MAP4K3: variants seen among roughly 807,000 people sequenced by gnomAD.
MAP4K3 encodes mitogen-activated protein kinase kinase kinase kinase 3.
MAP4K3 carries 94 observed loss-of-function variants against 143.5 expected under a neutral mutation model. The observed-to-expected ratio is 0.65, with a 90% confidence interval of 0.55 to 0.78. The LOEUF is 0.78. Ranked by LOEUF, MAP4K3 falls within the 30% of genes least tolerant of loss-of-function variation. The pLI is 0.00. For missense variants in MAP4K3, 1,077 were observed against 1,068.1 expected (o/e 1.01, Z -0.12); for synonymous variants, 416 against 347.2 (o/e 1.20, Z -2.20).
intron 1 of MAP4K3, among the ~76,000 whole-genome samples, chr2:39,413,166 A>G (rs1204582598): frequency 1.3e-5 from 2 of 152,226 alleles, no homozygotes; most frequent in Admixed American, 1.3e-4. Flanking sequence ...TCATGCAGTA[A>G]AAGTTAGAGA....
intron 1 of MAP4K3, among the ~76,000 whole-genome samples, chr2:39,427,930 T>A (rs1345743657): frequency 1.3e-5 from 2 of 152,206 alleles, no homozygotes; most frequent in Non-Finnish European, 2.9e-5. Context: ...TTTGCCCACT[T>A]AGGTTCTACA....
intron 2 of MAP4K3, among the ~76,000 whole-genome samples, chr2:39,370,717 T>C (rs1175042818): frequency 1.3e-5 from 2 of 152,220 alleles, no homozygotes; most frequent in African/African-American, 2.4e-5. Flanking sequence ...GTTTTCATTG[T>C]GTTGGAAAAG....
chr2:39,254,507 G>C lies in MAP4K3; in HGVS notation c.2484C>G (p.Asp828Glu). The C allele has an allele frequency of 6.2e-7, 1 of 1,613,584 alleles. No individual in the cohort carries two copies. Among genetic ancestry groups the C allele is most frequent in the Non-Finnish European group, 8.5e-7 (1 of 1,179,692 alleles). The change falls in exon 32 of 34, where the codon GAC (aspartate) becomes GAG (glutamate). Residue 828 changes from aspartate to glutamate, a missense_variant. Around this residue, in one of 2 missense-constraint regions of MAP4K3, gnomAD observed 864 missense variants for 801.2 expected, o/e 1.08. Coordinates refer to ENST00000263881, the MANE Select transcript of MAP4K3 (RefSeq NM_003618.4). ...CATGTTTCCAGAAAGCTAGCACACT[G>C]TCTTGTAGGCACACTAGCAGGCAAG... The part of the protein sequence containing the change: ...FQIESIVCLQ[D>E]SVLAFWKHGM...
chr2:39,250,703 A>G lies in MAP4K3; in HGVS notation c.2600T>C (p.Val867Ala). Reference sequence around the variant, plus strand: ...AGTTGGCCTACTTTCCAAAACCACGACCCTGAAAGTAATAAAAAACATATA... The same window carrying G: ...AGTTGGCCTACTTTCCAAAACCACGGCCCTGAAAGTAATAAAAAACATATA... ...RIFRLLGSDR[V>A]VVLESRPTDN... The change falls in exon 34 of 34, where the codon GTC (valine) becomes GCC (alanine). Residue 867 changes from valine to alanine, a missense_variant and splice_region_variant. By Grantham distance (64) the Val-to-Ala change is moderately conservative (BLOSUM62 0). Transcript: ENST00000263881. 2 of 1,612,666 alleles carry G rather than the reference A, an allele frequency of 1.2e-6. No homozygotes were observed. The highest frequency in any genetic ancestry group is 1.1e-5 in the South Asian group (1 of 90,934).
rs1400305615 is a variant in MAP4K3, at chr2:39,293,094, G to C, written c.1217+136C>G. 3 of 737,614 alleles carry C rather than the reference G, an allele frequency of 4.1e-6. No homozygotes were observed. In the South Asian group the frequency reaches 5.0e-5, roughly 12 times the overall value. 45.7% of individuals were successfully genotyped at this position (737,614 alleles called of 1,614,324 possible). A position where few individuals can be genotyped will look rare whatever the true frequency, so the allele number is the denominator to read the frequency against. On this transcript the variant is annotated intron_variant, in intron 17 of 33. Coordinates refer to ENST00000263881, the MANE Select transcript of MAP4K3 (RefSeq NM_003618.4). ...ATCATACCACTGCAATCCAGCCTGGGCAACAGAGCGAGACCCTATCTCTAT... is the reference window on the plus strand; with the variant it reads ...ATCATACCACTGCAATCCAGCCTGGCCAACAGAGCGAGACCCTATCTCTAT...
intron 8 of MAP4K3, 146 bp from the exon 9 acceptor site, chr2:39,326,423 G>A (rs1474376035): frequency 5.4e-6 from 4 of 736,968 alleles, no homozygotes; most frequent in Non-Finnish European, 8.7e-6. Context: ...GTACTTAAAA[G>A]GTCCACCTTT....
At chr2:39,321,129 C>T (rs1177113161) in intron 12 of MAP4K3, among the ~76,000 whole-genome samples, 1 of 152,084 alleles carries the variant, frequency 6.6e-6, no homozygotes, top group Non-Finnish European at 1.5e-5. Flanking sequence ...TATCCTTAAA[C>T]TCGTGAAACA....
At chr2:39,357,673 T>C (rs1665649199) in intron 2 of MAP4K3, among the ~76,000 whole-genome samples, 2 of 152,242 alleles carry the variant, frequency 1.3e-5, no homozygotes, top group African/African-American at 4.8e-5. Context: ...TGGAAGATTA[T>C]TGAACTATGA....
At chr2:39,331,231 T>C (rs923772223) in intron 8 of MAP4K3, among the ~76,000 whole-genome samples, 3 of 152,082 alleles carry the variant, frequency 2.0e-5, no homozygotes, top group Non-Finnish European at 2.9e-5. Context: ...TTCAAAGTAA[T>C]GATATGAACA....
At chr2:39,270,558 C>T (rs1216702356) in intron 26 of MAP4K3, among the ~76,000 whole-genome samples, 1 of 152,140 alleles carries the variant, frequency 6.6e-6, no homozygotes, top group Non-Finnish European at 1.5e-5. Flanking sequence ...ACAACTCTGC[C>T]AGATGAGTAT....
At chr2:39,376,295 A>T (rs995747363) in intron 2 of MAP4K3, among the ~76,000 whole-genome samples, 6 of 152,154 alleles carry the variant, frequency 3.9e-5, no homozygotes, top group African/African-American at 1.4e-4. Context: ...GGCGGGGGGA[A>T]ATGGGTAGCT....
At chr2:39,263,595 C>A (rs77421087) in intron 28 of MAP4K3, among the ~76,000 whole-genome samples, 1 of 151,912 alleles carries the variant, frequency 6.6e-6, no homozygotes, top group Non-Finnish European at 1.5e-5. Context: ...GAAGTCTTGA[C>A]GCAGAGAGAC....
chr2:39,329,806 C>G (rs1378509632), intron 8 of MAP4K3, among the ~76,000 whole-genome samples: 1 of 152,124 alleles, frequency 6.6e-6, no homozygotes, highest in African/African-American at 2.4e-5. Context: ...TTGACCAGTT[C>G]TAGAACATAA....
intron 2 of MAP4K3, among the ~76,000 whole-genome samples, chr2:39,366,397 G>C (rs1012352321): frequency 2.0e-5 from 3 of 152,152 alleles, no homozygotes; most frequent in Admixed American, 6.5e-5. Context: ...GGGTTGCGGA[G>C]ACCAAGGTTT....
intron 21 of MAP4K3, among the ~76,000 whole-genome samples, chr2:39,285,727 C>T (rs1681744897): frequency 6.6e-6 from 1 of 152,120 alleles, no homozygotes; most frequent in Admixed American, 6.5e-5. Context: ...ACCGAATATA[C>T]TAGAAATTTC....
At chr2:39,272,586 T>C (rs1573079251) in intron 24 of MAP4K3, 44 bp from the exon 25 acceptor site, 6 of 1,491,994 alleles carry the variant, frequency 4.0e-6, no homozygotes, top group Non-Finnish European at 5.6e-6. Flanking sequence ...TAATACATAA[T>C]GGCAATGTAA....
intron 2 of MAP4K3, among the ~76,000 whole-genome samples, chr2:39,359,748 C>T (rs981836083): frequency 6.6e-6 from 1 of 152,256 alleles, no homozygotes; most frequent in Non-Finnish European, 1.5e-5. Flanking sequence ...GTGGAAGCTG[C>T]CAGGCTTGGG....
intron 1 of MAP4K3, among the ~76,000 whole-genome samples, chr2:39,420,445 C>T (rs1191747408): frequency 6.6e-6 from 1 of 152,074 alleles, no homozygotes; most frequent in East Asian, 1.9e-4. Context: ...TAGAGACAGT[C>T]TCACTGTGTT....
chr2:39,432,900 C>T (rs2148640462), intron 1 of MAP4K3, among the ~76,000 whole-genome samples: 1 of 152,168 alleles, frequency 6.6e-6, no homozygotes, highest in South Asian at 2.1e-4. Context: ...GAATGGCTTC[C>T]AAACACACAA....
Sources: gnomAD v4.1 joint callset for allele counts (sites outside exome capture counted in the v4.1 genomes callset) on GRCh38, gnomAD v4.1.1 for gene constraint, gnomAD v4.1.1 regional missense constraint, MANE v1.5 for transcripts, NCBI Gene and HGNC (gene_info 2026-07-23, HGNC 2026-07-21) for gene names.